The following VPS54 variants were observed in gnomAD, a reference collection of about 807,000 sequenced individuals.
VPS54 encodes VPS54 subunit of GARP complex.
VPS54 carries 45 observed loss-of-function variants against 121.5 expected under a neutral mutation model. The ratio of observed to expected loss-of-function variants is 0.37; its 90% CI spans 0.29 to 0.47. The LOEUF (loss-of-function observed/expected upper bound fraction) is 0.47, where lower values mean the gene tolerates loss of function less well. Among genes scored for constraint, VPS54 ranks in the 20% least tolerant of loss-of-function variants. The pLI, the probability that VPS54 is intolerant of heterozygous loss-of-function variation, is 0.99. For missense variants in VPS54, 1,090 were observed against 1,131.4 expected (o/e 0.96, Z 0.52); for synonymous variants, 371 against 385.8 (o/e 0.96, Z 0.45).
intron 1 of VPS54, among the ~76,000 whole-genome samples, chr2:64,011,382 A>G (rs893397295): frequency 2.6e-5 from 4 of 152,108 alleles, no homozygotes; most frequent in African/African-American, 9.7e-5. Flanking sequence ...CATGGCCAAC[A>G]TGGTAAAACC....
intron 4 of VPS54, among the ~76,000 whole-genome samples, chr2:63,970,208 TATATAC>T (rs1221200732): frequency 1.2e-4 from 12 of 97,670 alleles, no homozygotes; most frequent in African/African-American, 2.0e-4. Flanking sequence ...AAAAAATATA[TATATAC>T]ACACACACAC....
At chr2:64,014,364 CAA>C (rs907166306) in intron 1 of VPS54, among the ~76,000 whole-genome samples, 2 of 152,076 alleles carry the variant, frequency 1.3e-5, no homozygotes, top group African/African-American at 4.8e-5. Flanking sequence ...TATATATTTT[CAA>C]GTCTTCTCAA....
intron 11 of VPS54, among the ~76,000 whole-genome samples, chr2:63,936,853 C>A (rs926587672): frequency 6.6e-6 from 1 of 152,100 alleles, no homozygotes; most frequent in Non-Finnish European, 1.5e-5. Context: ...CTCACATATA[C>A]AGTAAAATGT....
At chr2:63,915,342 A>G (rs970300514) in intron 16 of VPS54, among the ~76,000 whole-genome samples, 1 of 152,092 alleles carries the variant, frequency 6.6e-6, no homozygotes, top group Non-Finnish European at 1.5e-5. Flanking sequence ...TACGTAAAAT[A>G]AGGATTTATA....
intron 7 of VPS54, among the ~76,000 whole-genome samples, chr2:63,950,346 C>A (rs1050889972): frequency 2.6e-5 from 4 of 152,000 alleles, no homozygotes; most frequent in Non-Finnish European, 4.4e-5. Context: ...GTGTAATGAG[C>A]TGTAAAGGTA....
chr2:63,915,252 A>G (rs866311850), intron 16 of VPS54, among the ~76,000 whole-genome samples: 2 of 151,996 alleles, frequency 1.3e-5, no homozygotes, highest in African/African-American at 4.8e-5. Flanking sequence ...ACTACTGGGA[A>G]GTTAAAGAAG....
At chr2:63,976,597 A>C (rs932728278) in intron 3 of VPS54, among the ~76,000 whole-genome samples, 1 of 151,962 alleles carries the variant, frequency 6.6e-6, no homozygotes, top group Non-Finnish European at 1.5e-5. Flanking sequence ...GAGCAGTATG[A>C]TTGATTCAAT....
At chr2:63,903,498 A>G (rs958537168) in intron 20 of VPS54, among the ~76,000 whole-genome samples, 3 of 152,198 alleles carry the variant, frequency 2.0e-5, no homozygotes, top group Non-Finnish European at 4.4e-5. Context: ...GAGGATAAAT[A>G]TAAAAGGCAT....
chr2:63,965,991 A>T (rs779744861), intron 5 of VPS54, 25 bp from the exon 6 acceptor site: 1 of 1,596,298 alleles, frequency 6.3e-7, no homozygotes, highest in Middle Eastern at 1.9e-4. Flanking sequence ...CATTTCCCTC[A>T]ATTAGATAAG....
chr2:63,948,760 A>C lies in VPS54; in HGVS notation c.1137+277T>G, dbSNP rs552363641. Reference sequence around the variant, plus strand: ...CTCGCACACATAAACACAGAATATAAATTAATTCATCCTATATCTGTATTT... The same window carrying C: ...CTCGCACACATAAACACAGAATATACATTAATTCATCCTATATCTGTATTT... On this transcript the variant is annotated intron_variant, in intron 8 of 22. Transcript: ENST00000272322. 7.2e-5 allele frequency among the ~76,000 whole-genome samples: 11 copies of C among 152,220 alleles called. No homozygotes were observed. In the South Asian group the frequency reaches 2.1e-3, roughly 29 times the overall value.
Position 63,995,779 on chromosome 2 carries a change from C to T in VPS54, c.-20-11760G>A, listed in dbSNP as rs565147060. 7.2e-5 allele frequency among the ~76,000 whole-genome samples: 11 copies of T among 152,322 alleles called. No individual in the cohort carries two copies. In the East Asian group the frequency reaches 1.2e-3, roughly 16 times the overall value. ...TCCGTATCACCCTGTATTCCTATAA[C>T]GAGACTGATCATTCATGGGAAATGG... On this transcript the variant is annotated intron_variant, in intron 1 of 22. Transcript: ENST00000272322.
At chr2:63,962,473 T>G in intron 6 of VPS54, 30 bp from the exon 7 acceptor site, 2 of 1,567,090 alleles carry the variant, frequency 1.3e-6, no homozygotes, top group Non-Finnish European at 1.7e-6. Flanking sequence ...AAATATGAAG[T>G]ACTATGAGCA....
chr2:64,014,976 T>A (rs904124489), intron 1 of VPS54, among the ~76,000 whole-genome samples: 7 of 152,148 alleles, frequency 4.6e-5, no homozygotes, highest in African/African-American at 1.7e-4. Flanking sequence ...AAAGATTCAT[T>A]ATAAGCTTGG....
intron 22 of VPS54, 108 bp downstream of exon 22, chr2:63,897,388 G>A (rs371102194): frequency 1.1e-5 from 8 of 704,942 alleles, no homozygotes; most frequent in Middle Eastern, 2.5e-4. Flanking sequence ...ATTTTACAAC[G>A]TTGGTCTTCA....
intron 21 of VPS54, among the ~76,000 whole-genome samples, chr2:63,897,883 G>T (rs75542745): frequency 6.6e-6 from 1 of 152,122 alleles, no homozygotes. Context: ...TTGTAACATA[G>T]TAAGTAGGAA....
chr2:63,980,912 G>A (rs1676774404), intron 3 of VPS54, among the ~76,000 whole-genome samples: 1 of 151,804 alleles, frequency 6.6e-6, no homozygotes, highest in Non-Finnish European at 1.5e-5. Context: ...AAATATATAG[G>A]TTCTGTATAA....
chr2:63,967,718 C>CAA lies in VPS54; in HGVS notation c.492+1237_492+1238dup, dbSNP rs56820620. On this transcript the variant is annotated intron_variant, in intron 5 of 22. Transcript: ENST00000272322. Reference sequence around the variant, plus strand: ...TGGGCGACAGAGAGAGACTCTGCCTCAAAAAAAAAAAAAAAAATCTTATAA... The same window carrying CAA: ...TGGGCGACAGAGAGAGACTCTGCCTCAAAAAAAAAAAAAAAAAAATCTTATAA... Among the ~76,000 whole-genome samples, 9 of 52,984 alleles carry CAA rather than the reference C, an allele frequency of 1.7e-4. 1 individual carries two copies. Among genetic ancestry groups the CAA allele is most frequent in the Admixed American group, 1.1e-3 (5 of 4,670 alleles). 34.8% of individuals were successfully genotyped at this position (52,984 alleles called of 152,430 possible). A position where few individuals can be genotyped will look rare whatever the true frequency, so the allele number is the denominator to read the frequency against.
chr2:63,995,450 AC>A (rs1559047415), intron 1 of VPS54, among the ~76,000 whole-genome samples: 1 of 152,246 alleles, frequency 6.6e-6, no homozygotes, highest in Non-Finnish European at 1.5e-5. Flanking sequence ...ATGAAGTGTT[AC>A]AGCGAATTCT....
intron 1 of VPS54, among the ~76,000 whole-genome samples, chr2:63,985,006 AAGAT>A (rs1676976974): frequency 6.6e-6 from 1 of 152,198 alleles, no homozygotes. Context: ...ATCTGGCAAA[AAGAT>A]AAATAAGAGT....
Sources: allele counts gnomAD v4.1 joint callset (sites outside exome capture counted in the v4.1 genomes callset), GRCh38; gene constraint gnomAD v4.1.1; transcripts MANE v1.5; gene names NCBI Gene and HGNC (gene_info 2026-07-23, HGNC 2026-07-21).